The following ENTREP1 variants were observed in gnomAD, a reference collection of about 807,000 sequenced individuals.
ENTREP1 encodes the protein Friedreich ataxia region gene X123.
chr9:69,368,319 T>A, the ENTREP1 span, among the ~76,000 whole-genome samples: 1 of 152,034 alleles, frequency 6.6e-6, no homozygotes, highest in Non-Finnish European at 1.5e-5. Context: ...CAGTGTGGAG[T>A]TAGCTGTGGG....
chr9:69,388,095 G>A, the ENTREP1 span: 1 of 1,613,104 alleles, frequency 6.2e-7, no homozygotes, highest in Non-Finnish European at 8.5e-7. Context: ...TGTGCTTTCA[G>A]GTACAGGCAT....
chr9:69,358,519 G>T, the ENTREP1 span, among the ~76,000 whole-genome samples: 66,067 of 151,916 alleles, frequency 0.43, 14,836 homozygotes, highest in African/African-American at 0.55. Flanking sequence ...ACATTTATTT[G>T]TAGCAGTATC....
the ENTREP1 span, among the ~76,000 whole-genome samples, chr9:69,345,826 A>G: frequency 2.0e-5 from 3 of 151,608 alleles, no homozygotes; most frequent in African/African-American, 7.3e-5. Flanking sequence ...CTGGTCTCAA[A>G]CTCCTGACCT....
the ENTREP1 span, among the ~76,000 whole-genome samples, chr9:69,334,364 T>G: frequency 6.6e-6 from 1 of 152,240 alleles, no homozygotes; most frequent in Non-Finnish European, 1.5e-5. Context: ...TGGTTTTTGA[T>G]CCTTGATATA....
the ENTREP1 span, among the ~76,000 whole-genome samples, chr9:69,328,977 T>C: frequency 1.3e-5 from 2 of 152,036 alleles, no homozygotes; most frequent in Non-Finnish European, 2.9e-5. Context: ...TAATATGTGG[T>C]CTTTTATGAT....
At chr9:69,367,910 TAC>T in the ENTREP1 span, among the ~76,000 whole-genome samples, 18 of 112,998 alleles carry the variant, frequency 1.6e-4, no homozygotes, top group East Asian at 2.1e-3. Context: ...TATATACATA[TAC>T]ACACACACAT....
At chr9:69,371,392 A>T in the ENTREP1 span, 2 of 883,988 alleles carry the variant, frequency 2.3e-6, no homozygotes, top group Non-Finnish European at 3.9e-6. Flanking sequence ...ATCTTTTTTT[A>T]AAAAAATGTT....
the ENTREP1 span, chr9:69,377,720 C>T: frequency 5.0e-6 from 8 of 1,613,708 alleles, no homozygotes; most frequent in South Asian, 3.3e-5. Context: ...ACGTTTTACT[C>T]GTGCACACCC....
the ENTREP1 span, among the ~76,000 whole-genome samples, chr9:69,336,630 T>G: frequency 1.3e-5 from 2 of 152,198 alleles, no homozygotes; most frequent in African/African-American, 4.8e-5. Context: ...GGTTCCATAA[T>G]GATGAACTTC....
chr9:69,373,240 T>A, the ENTREP1 span, among the ~76,000 whole-genome samples: 9 of 152,196 alleles, frequency 5.9e-5, no homozygotes, highest in Admixed American at 5.9e-4. Flanking sequence ...CATCTCTTTA[T>A]GCACAAAAAC....
chr9:69,388,445 G>A, the ENTREP1 span: 4 of 1,588,790 alleles, frequency 2.5e-6, no homozygotes, highest in East Asian at 9.0e-5. Context: ...CAGTTTTCTA[G>A]AACAGGTAGT....
the ENTREP1 span, among the ~76,000 whole-genome samples, chr9:69,355,009 T>C: frequency 1.3e-5 from 2 of 152,180 alleles, no homozygotes; most frequent in Non-Finnish European, 2.9e-5. Context: ...TGTGATGAAT[T>C]ATTACAATGT....
chr9:69,351,288 A>G, the ENTREP1 span, among the ~76,000 whole-genome samples: 1 of 152,148 alleles, frequency 6.6e-6, no homozygotes, highest in Non-Finnish European at 1.5e-5. Flanking sequence ...AGTTATGTCT[A>G]GGTGGAGTCT....
At chr9:69,348,408 C>T in the ENTREP1 span, among the ~76,000 whole-genome samples, 2 of 152,194 alleles carry the variant, frequency 1.3e-5, no homozygotes, top group Admixed American at 6.5e-5. Flanking sequence ...GTGTGAGCCA[C>T]AATACCCAAG....
the ENTREP1 span, chr9:69,325,577 G>C: frequency 8.2e-7 from 1 of 1,223,036 alleles, no homozygotes; most frequent in Non-Finnish European, 1.0e-6. Context: ...CCCGGGCTCC[G>C]CGCTGCTGCC....
At chr9:69,345,770 A>C in the ENTREP1 span, among the ~76,000 whole-genome samples, 1 of 151,432 alleles carries the variant, frequency 6.6e-6, no homozygotes, top group East Asian at 1.9e-4. Flanking sequence ...ACGTGGCTTA[A>C]TTTTTGTATT....
chr9:69,343,448 G>GT, the ENTREP1 span, among the ~76,000 whole-genome samples: 403 of 151,958 alleles, frequency 2.7e-3, 5 homozygotes, highest in Middle Eastern at 6.8e-3. Context: ...CTGGATGATT[G>GT]TTTTTTTTGA....
chr9:69,338,814 ATTG>A, the ENTREP1 span, among the ~76,000 whole-genome samples: 1 of 152,066 alleles, frequency 6.6e-6, no homozygotes, highest in Non-Finnish European at 1.5e-5. Context: ...TTTTTACCCT[ATTG>A]TTGGACATTT....
At chr9:69,368,289 G>C in the ENTREP1 span, among the ~76,000 whole-genome samples, 1 of 152,082 alleles carries the variant, frequency 6.6e-6, no homozygotes, top group Admixed American at 6.6e-5. Flanking sequence ...TAGAGGAAAG[G>C]CTTTCAGCTT....
Sources: gnomAD v4.1 joint callset for allele counts (sites outside exome capture counted in the v4.1 genomes callset) on GRCh38, gnomAD v4.1.1 for gene constraint, MANE v1.5 for transcripts, NCBI Gene and HGNC (gene_info 2026-07-23, HGNC 2026-07-21) for gene names.